Variants in NRG3 observed in about 807,000 individuals in gnomAD.
NRG3 encodes neuregulin 3.
NRG3 carries 31 observed loss-of-function variants against 66.9 expected under a neutral mutation model. The observed-to-expected ratio is 0.46, with a 90% confidence interval of 0.35 to 0.63. The LOEUF (loss-of-function observed/expected upper bound fraction) is 0.63, where lower values mean the gene tolerates loss of function less well. NRG3 is among the 20% of genes least tolerant of loss of function. The pLI, the probability that NRG3 is intolerant of heterozygous loss-of-function variation, is 0.00. For missense variants in NRG3, 910 were observed against 878.9 expected (o/e 1.04, Z -0.45); for synonymous variants, 393 against 359.4 (o/e 1.09, Z -1.06).
intron 2 of NRG3, among the ~76,000 whole-genome samples, chr10:82,403,075 A>G (rs2087227645): frequency 1.3e-5 from 2 of 152,312 alleles, no homozygotes; most frequent in East Asian, 1.9e-4. Context: ...ACAACCACAG[A>G]AAAGACGTGA....
chr10:82,208,067 A>T (rs967389396), intron 1 of NRG3, among the ~76,000 whole-genome samples: 1 of 152,206 alleles, frequency 6.6e-6, no homozygotes, highest in African/African-American at 2.4e-5. Flanking sequence ...TCAGGTAGAA[A>T]CAATTATGAT....
intron 1 of NRG3, among the ~76,000 whole-genome samples, chr10:81,876,652 G>A (rs910664429): frequency 3.3e-5 from 5 of 152,218 alleles, no homozygotes; most frequent in Admixed American, 3.3e-4. Context: ...GTCCTTGTGT[G>A]GGGTGACGAG....
chr10:82,272,947 G>A (rs1361298383), intron 1 of NRG3, among the ~76,000 whole-genome samples: 3 of 152,020 alleles, frequency 2.0e-5, no homozygotes, highest in African/African-American at 7.2e-5. Context: ...CTTGGGGAGA[G>A]CAGCATGAGC....
chr10:82,089,936 A>G (rs1429954878), intron 1 of NRG3, among the ~76,000 whole-genome samples: 3 of 152,110 alleles, frequency 2.0e-5, no homozygotes, highest in Non-Finnish European at 4.4e-5. Context: ...TTCTGTGATC[A>G]TAGGCAAGTC....
chr10:82,685,033 C>T (rs993242588), intron 2 of NRG3, among the ~76,000 whole-genome samples: 1 of 151,926 alleles, frequency 6.6e-6, no homozygotes, highest in South Asian at 2.1e-4. Context: ...TAAGGCAAGT[C>T]ATCTACGAAG....
intron 1 of NRG3, among the ~76,000 whole-genome samples, chr10:82,268,190 T>C (rs2078404293): frequency 2.0e-5 from 3 of 152,160 alleles, no homozygotes; most frequent in Admixed American, 2.0e-4. Flanking sequence ...ATCTCTGTAG[T>C]AGTGCCTATA....
At chr10:82,694,326 C>T (rs1198027926) in intron 2 of NRG3, among the ~76,000 whole-genome samples, 2 of 152,348 alleles carry the variant, frequency 1.3e-5, no homozygotes, top group South Asian at 4.1e-4. Flanking sequence ...GGAAGTCCAG[C>T]TGGCTTCACC....
At chr10:82,597,537 C>G (rs993762741) in intron 2 of NRG3, among the ~76,000 whole-genome samples, 2 of 152,152 alleles carry the variant, frequency 1.3e-5, no homozygotes, top group African/African-American at 4.8e-5. Context: ...GGCAGGTTTC[C>G]TCATAAAACC....
chr10:82,567,279 T>C (rs1171310076), intron 2 of NRG3, among the ~76,000 whole-genome samples: 1 of 120,810 alleles, frequency 8.3e-6, no homozygotes, highest in Non-Finnish European at 1.9e-5. Flanking sequence ...ACTAAGGATA[T>C]TTCTCATGAC....
intron 4 of NRG3, among the ~76,000 whole-genome samples, chr10:82,934,473 T>G (rs1592010758): frequency 6.6e-6 from 1 of 152,206 alleles, no homozygotes; most frequent in African/African-American, 2.4e-5. Flanking sequence ...TTACTAATTA[T>G]TGGAGTAGCA....
At chr10:82,020,349 A>T (rs1420986272) in intron 1 of NRG3, among the ~76,000 whole-genome samples, 1 of 151,982 alleles carries the variant, frequency 6.6e-6, no homozygotes, top group African/African-American at 2.4e-5. Flanking sequence ...TCTTTCCTTT[A>T]TGAGGGTTCT....
chr10:82,906,375 T>C (rs2131927619), intron 4 of NRG3, among the ~76,000 whole-genome samples: 1 of 152,294 alleles, frequency 6.6e-6, no homozygotes, highest in Admixed American at 6.5e-5. Flanking sequence ...ACTCTAGTCC[T>C]TTTTTAGTTG....
intron 1 of NRG3, among the ~76,000 whole-genome samples, chr10:82,250,164 G>A (rs1297818286): frequency 6.6e-6 from 1 of 152,134 alleles, no homozygotes; most frequent in African/African-American, 2.4e-5. Context: ...AATTTCAGGA[G>A]TTGAAACAAG....
At chr10:82,771,708 A>G (rs528507736) in intron 3 of NRG3, among the ~76,000 whole-genome samples, 3 of 152,336 alleles carry the variant, frequency 2.0e-5, no homozygotes, top group South Asian at 2.1e-4. Flanking sequence ...TCCTCATTCA[A>G]TGAAGAATTG....
At chr10:82,397,323 T>C (rs1333770058) in intron 2 of NRG3, among the ~76,000 whole-genome samples, 1 of 152,138 alleles carries the variant, frequency 6.6e-6, no homozygotes, top group Non-Finnish European at 1.5e-5. Context: ...AAAAAGGTGC[T>C]CCCAAATTAT....
intron 1 of NRG3, among the ~76,000 whole-genome samples, chr10:81,948,827 G>T (rs925892896): frequency 6.6e-6 from 1 of 152,124 alleles, no homozygotes; most frequent in Non-Finnish European, 1.5e-5. Context: ...CTAGCCCTAG[G>T]TTCGATAATG....
chr10:82,720,389 CA>C (rs777287558), intron 2 of NRG3, among the ~76,000 whole-genome samples: 4 of 151,070 alleles, frequency 2.6e-5, no homozygotes, highest in Admixed American at 6.6e-5. Context: ...AAAAAAAAAA[CA>C]AAACTAACAA....
intron 2 of NRG3, among the ~76,000 whole-genome samples, chr10:82,439,147 T>C (rs2090305456): frequency 6.6e-6 from 1 of 152,120 alleles, no homozygotes; most frequent in Non-Finnish European, 1.5e-5. Context: ...TTTCTCATCT[T>C]TTTCTCCAGC....
chr10:82,725,536 G>A (rs2057547944), intron 2 of NRG3, among the ~76,000 whole-genome samples: 1 of 152,088 alleles, frequency 6.6e-6, no homozygotes, highest in Non-Finnish European at 1.5e-5. Context: ...ATCGTTATAG[G>A]AAAAATTGTA....
Sources: allele counts gnomAD v4.1 joint callset (sites outside exome capture counted in the v4.1 genomes callset), GRCh38; gene constraint gnomAD v4.1.1; transcripts MANE v1.5; gene names NCBI Gene and HGNC (gene_info 2026-07-23, HGNC 2026-07-21).